ZBTB20: variants seen among roughly 807,000 people sequenced by gnomAD.
ZBTB20 encodes zinc finger and BTB domain-containing protein 20.
ZBTB20 carries 9 observed loss-of-function variants against 56.9 expected under a neutral mutation model. That is an observed-to-expected ratio of 0.16 (90% CI 0.10 to 0.28). The LOEUF is 0.28. Ranked by LOEUF, ZBTB20 falls within the 10% of genes least tolerant of loss-of-function variation. The probability of loss-of-function intolerance (pLI) is 1.00; values close to 1 mark genes in which losing one functional copy is unlikely to be tolerated. For synonymous variants in ZBTB20, 417 were observed against 420.7 expected (o/e 0.99, Z 0.11); for missense variants, 655 against 1,003.0 (o/e 0.65, Z 4.69).
intron 7 of ZBTB20, among the ~76,000 whole-genome samples, chr3:114,423,727 G>A (rs79050959): frequency 0.07 from 10,687 of 152,220 alleles, 461 homozygotes; most frequent in East Asian, 0.19. Flanking sequence ...TCCAGTGTAA[G>A]TTTTATGAAA....
intron 5 of ZBTB20, among the ~76,000 whole-genome samples, chr3:114,711,793 G>T (rs2064102839): frequency 6.6e-6 from 1 of 152,188 alleles, no homozygotes; most frequent in South Asian, 2.1e-4. Flanking sequence ...TTGCTGAGCA[G>T]AGAGTAGAGC....
Position 114,883,916 on chromosome 3 carries a change from C to CT in ZBTB20, c.-417+16387dup, listed in dbSNP as rs869141975. On this transcript the variant is annotated intron_variant, in intron 4 of 11. Coordinates refer to ENST00000675478, the MANE Select transcript of ZBTB20 (RefSeq NM_001348800.3). ...GTATAACTGGTAAGAATGGTGTGTT[C>CT]TTTTTTTTTTTTTTTTTTTTTTTTT... is the stretch of plus-strand genomic sequence containing the variant. 1.7e-3 allele frequency among the ~76,000 whole-genome samples: 151 copies of CT among 89,828 alleles called. 3 individuals carry two copies. Among genetic ancestry groups the CT allele is most frequent in the African/African-American group, 3.7e-3 (92 of 25,080 alleles). The allele number at this position is 89,828 out of a possible 152,430, so 58.9% of individuals were successfully genotyped here. A position where few individuals can be genotyped will look rare whatever the true frequency, so the allele number is the denominator to read the frequency against.
At chr3:114,467,979 G>T (rs535737767) in intron 7 of ZBTB20, among the ~76,000 whole-genome samples, 1 of 152,312 alleles carries the variant, frequency 6.6e-6, no homozygotes, top group East Asian at 1.9e-4. Context: ...CCTTTGTGAT[G>T]ATGAGTTTCA....
intron 7 of ZBTB20, among the ~76,000 whole-genome samples, chr3:114,492,081 C>T (rs1443924046): frequency 6.6e-6 from 1 of 152,098 alleles, no homozygotes; most frequent in Non-Finnish European, 1.5e-5. Context: ...CTTGGTGGCT[C>T]CTTCTGAGGG....
At chr3:114,734,037 TAATAGAGGATCAGA>T (rs2065949582) in intron 5 of ZBTB20, among the ~76,000 whole-genome samples, 2 of 152,088 alleles carry the variant, frequency 1.3e-5, no homozygotes, top group African/African-American at 2.4e-5. Context: ...GTCTCTTACC[TAATAGAGGATCAGA>T]AAAAGAAAAG....
At chr3:114,790,028 C>T (rs533070824) in intron 5 of ZBTB20, among the ~76,000 whole-genome samples, 1 of 152,144 alleles carries the variant, frequency 6.6e-6, no homozygotes, top group Non-Finnish European at 1.5e-5. Flanking sequence ...TACACACAGA[C>T]ATTTTCATTA....
intron 7 of ZBTB20, among the ~76,000 whole-genome samples, chr3:114,409,153 T>TC (rs2087672001): frequency 2.1e-5 from 2 of 96,070 alleles, no homozygotes; most frequent in African/African-American, 9.1e-5. Flanking sequence ...TTTTTTTTTT[T>TC]CTGAGAGAAA....
At chr3:114,918,747 A>G (rs2075840718) in intron 3 of ZBTB20, among the ~76,000 whole-genome samples, 1 of 152,198 alleles carries the variant, frequency 6.6e-6, no homozygotes, top group East Asian at 1.9e-4. Flanking sequence ...GTTGCAAGAC[A>G]AAGTCCTGTT....
chr3:114,503,162 G>T (rs1356479803), intron 6 of ZBTB20, among the ~76,000 whole-genome samples: 1 of 152,102 alleles, frequency 6.6e-6, no homozygotes, highest in Admixed American at 6.5e-5. Context: ...ATCTTTCCTG[G>T]ATGTCAAATG....
At chr3:114,386,730 C>T (rs1323798877) in intron 8 of ZBTB20, among the ~76,000 whole-genome samples, 2 of 152,110 alleles carry the variant, frequency 1.3e-5, no homozygotes, top group Non-Finnish European at 2.9e-5. Context: ...TCTTCTGGGT[C>T]ACACATCAGG....
chr3:114,665,419 A>G (rs965565732), intron 6 of ZBTB20, among the ~76,000 whole-genome samples: 32 of 151,970 alleles, frequency 2.1e-4, no homozygotes, highest in African/African-American at 7.5e-4. Context: ...GAAATTGCCT[A>G]AGGATGCATT....
chr3:114,639,469 GT>G (rs34453811), intron 6 of ZBTB20, among the ~76,000 whole-genome samples: 3,190 of 122,664 alleles, frequency 0.026, 105 homozygotes, highest in African/African-American at 0.087. Context: ...AATTTCATTA[GT>G]TTTTTTTTTT....
Position 114,404,243 on chromosome 3 carries a change from T to C in ZBTB20, c.-254-15138A>G, listed in dbSNP as rs114941108. ...ATGCCTAAGGTAATCACGATCATTC[T>C]GGTACTAATAAAGATTTTTCCTCAT... is the stretch of plus-strand genomic sequence containing the variant. On this transcript the variant is annotated intron_variant, in intron 7 of 11. Coordinates refer to ENST00000675478, the MANE Select transcript of ZBTB20 (RefSeq NM_001348800.3). Among the ~76,000 whole-genome samples the C allele has an allele frequency of 9.6e-3, 1,459 of 152,300 alleles. 20 individuals carry two copies. The highest frequency in any genetic ancestry group is 0.033 in the African/African-American group (1,390 of 41,566).
chr3:114,585,474 G>A (rs1321207564), intron 6 of ZBTB20, among the ~76,000 whole-genome samples: 3 of 152,196 alleles, frequency 2.0e-5, no homozygotes, highest in Admixed American at 1.3e-4. Flanking sequence ...ACAGCCGTAT[G>A]TGCACATGTG....
chr3:114,465,043 T>C (rs2109180026), intron 7 of ZBTB20, among the ~76,000 whole-genome samples: 1 of 151,350 alleles, frequency 6.6e-6, no homozygotes, highest in South Asian at 2.1e-4. Flanking sequence ...AGGACTGTTT[T>C]GTTTTTAGGT....
intron 3 of ZBTB20, among the ~76,000 whole-genome samples, chr3:114,957,349 G>A (rs1331704703): frequency 3.3e-5 from 5 of 152,132 alleles, no homozygotes; most frequent in Non-Finnish European, 5.9e-5. Context: ...AGGATAGGAT[G>A]GGATGGGATG....
intron 1 of ZBTB20, among the ~76,000 whole-genome samples, chr3:115,114,595 A>G (rs1426001449): frequency 6.6e-6 from 1 of 152,166 alleles, no homozygotes; most frequent in Non-Finnish European, 1.5e-5. Flanking sequence ...TTATAACATT[A>G]TGTTCCAAGT....
chr3:114,881,983 T>C (rs187374783), intron 4 of ZBTB20, among the ~76,000 whole-genome samples: 42 of 151,872 alleles, frequency 2.8e-4, no homozygotes, highest in Middle Eastern at 3.4e-3. Flanking sequence ...AAAATGAAAC[T>C]ACATAAAAAA....
intron 3 of ZBTB20, among the ~76,000 whole-genome samples, chr3:114,916,798 T>G (rs1456797991): frequency 6.6e-6 from 1 of 152,212 alleles, no homozygotes; most frequent in Non-Finnish European, 1.5e-5. Context: ...CTTTTCTCTT[T>G]CTACTTTTAG....
Sources: gnomAD v4.1 joint callset for allele counts (sites outside exome capture counted in the v4.1 genomes callset) on GRCh38, gnomAD v4.1.1 for gene constraint, MANE v1.5 for transcripts, NCBI Gene and HGNC (gene_info 2026-07-23, HGNC 2026-07-21) for gene names.